PARP15: variants seen among roughly 807,000 people sequenced by gnomAD.
PARP15 encodes the protein poly(ADP-ribose) polymerase family member 15.
Under a neutral mutation model 62.1 loss-of-function variants are expected in PARP15, and 50 were observed. The observed-to-expected ratio is 0.81, with a 90% confidence interval of 0.64 to 1.02. PARP15 has a LOEUF of 1.02. PARP15 is among the 50% of genes least tolerant of loss of function. The pLI, the probability that PARP15 is intolerant of heterozygous loss-of-function variation, is 0.00. For missense variants in PARP15, 820 were observed against 826.5 expected (o/e 0.99, Z 0.10); for synonymous variants, 309 against 293.1 (o/e 1.05, Z -0.55).
chr3:122,601,347 A>G (rs1352899824), intron 1 of PARP15, among the ~76,000 whole-genome samples: 4 of 152,118 alleles, frequency 2.6e-5, no homozygotes, highest in Non-Finnish European at 4.4e-5. Flanking sequence ...GCATAATGTC[A>G]TGTGTCCACC....
At chr3:122,586,567 T>C (rs1933447342) in intron 1 of PARP15, among the ~76,000 whole-genome samples, 1 of 152,226 alleles carries the variant, frequency 6.6e-6, no homozygotes, top group African/African-American at 2.4e-5. Flanking sequence ...TTGTGGTTCT[T>C]ATATTATCCA....
At chr3:122,608,612 G>T (rs1266588550) in intron 2 of PARP15, among the ~76,000 whole-genome samples, 1 of 152,042 alleles carries the variant, frequency 6.6e-6, no homozygotes, top group African/African-American at 2.4e-5. Context: ...AGGCCTATCT[G>T]AAATCTGAAA....
chr3:122,617,278 T>C lies in PARP15; in HGVS notation c.1000+114T>C, dbSNP rs57265705. On this transcript the variant is annotated intron_variant, in intron 6 of 11. Transcript: ENST00000464300. Reference sequence around the variant, plus strand: ...AGAGTGTTGTAGAAAATATGTGGTCTCTGAACTCAGGAAGACGTGGGTTGA... The same window carrying C: ...AGAGTGTTGTAGAAAATATGTGGTCCCTGAACTCAGGAAGACGTGGGTTGA... 21,557 of 1,149,906 alleles carry C rather than the reference T, an allele frequency of 0.019. 2,046 individuals carry two copies. In the African/African-American group the frequency reaches 0.24, roughly 13 times the overall value. 71.2% of individuals were successfully genotyped at this position (1,149,906 alleles called of 1,614,324 possible).
At chr3:122,614,746 T>C (rs1935823911) in intron 4 of PARP15, among the ~76,000 whole-genome samples, 1 of 152,062 alleles carries the variant, frequency 6.6e-6, no homozygotes, top group African/African-American at 2.4e-5. Flanking sequence ...ATTAGAAACA[T>C]GGACTGGTGC....
chr3:122,632,027 T>C lies in PARP15; in HGVS notation c.1439-59T>C, dbSNP rs1937084698. 2.5e-6 allele frequency: 4 copies of C among 1,608,520 alleles called. No homozygotes were observed. In the Admixed American group the frequency reaches 5.0e-5, roughly 20 times the overall value. ...AGAGACAAGTGCAGAGGAGGTGCCC[T>C]GATTTTCAGAGGTCTTTGGAAATGA... On this transcript the variant is annotated intron_variant, in intron 9 of 11. Coordinates refer to ENST00000464300, the MANE Select transcript of PARP15 (RefSeq NM_001113523.3).
chr3:122,590,708 G>A (rs1017473652), intron 1 of PARP15, among the ~76,000 whole-genome samples: 2 of 152,100 alleles, frequency 1.3e-5, no homozygotes, highest in Admixed American at 6.6e-5. Flanking sequence ...TCTTTATTAT[G>A]CTAAGGGAAA....
rs542705522 is a variant in PARP15, at chr3:122,591,533, C to A, written c.186+13680C>A. Among the ~76,000 whole-genome samples, 3 of 152,088 alleles carry A rather than the reference C, an allele frequency of 2.0e-5. No homozygotes were observed. The East Asian group carries it at 5.8e-4, about 29-fold the overall frequency. ...ATCCCAGCACTTTGGGAGGCCGAGG[C>A]GGGCAGATCACGAGGTGAGGAAATC... On this transcript the variant is annotated intron_variant, in intron 1 of 11. Transcript: ENST00000464300.
chr3:122,612,899 T>A, intron 3 of PARP15, 142 bp from the exon 4 acceptor site: 1 of 691,886 alleles, frequency 1.4e-6, no homozygotes, highest in Admixed American at 2.6e-5. Context: ...GCCCTGTTTT[T>A]GTTTCCTCTT....
chr3:122,580,001 A>ATATATATGTG (rs1553725419), intron 1 of PARP15, among the ~76,000 whole-genome samples: 1 of 62,178 alleles, frequency 1.6e-5, no homozygotes, highest in African/African-American at 4.9e-5. Context: ...AACTATATGT[A>ATATATATGTG]TATATATATA....
intron 1 of PARP15, among the ~76,000 whole-genome samples, chr3:122,602,261 A>G (rs145498230): frequency 0.016 from 2,412 of 152,266 alleles, 67 homozygotes; most frequent in African/African-American, 0.053. Context: ...TGCCTCTCCC[A>G]GAGGTGCCTG....
chr3:122,621,733 G>A (rs1936363024), intron 8 of PARP15, 122 bp downstream of exon 8: 1 of 915,370 alleles, frequency 1.1e-6, no homozygotes, highest in Non-Finnish European at 1.5e-6. Context: ...GTAAATCAGA[G>A]AGGGAGCCAT....
At chr3:122,620,039 A>T (rs1407914554) in intron 7 of PARP15, among the ~76,000 whole-genome samples, 196 bp downstream of exon 7, 1 of 152,160 alleles carries the variant, frequency 6.6e-6, no homozygotes, top group African/African-American at 2.4e-5. Flanking sequence ...CCACCATCTC[A>T]TCTGTCTCTT....
At chr3:122,585,324 G>T (rs944418459) in intron 1 of PARP15, among the ~76,000 whole-genome samples, 1 of 152,204 alleles carries the variant, frequency 6.6e-6, no homozygotes, top group African/African-American at 2.4e-5. Flanking sequence ...TCTGGCCTGG[G>T]TGACAGAGGG....
At chr3:122,635,219 A>C (rs769185996) in intron 11 of PARP15, 25 bp downstream of exon 11, 2 of 1,610,024 alleles carry the variant, frequency 1.2e-6, no homozygotes, top group South Asian at 2.2e-5. Context: ...AATTTGGCTG[A>C]TCAGAATAAG....
chr3:122,619,706 A>G, intron 6 of PARP15, 75 bp from the exon 7 acceptor site: 1 of 1,251,072 alleles, frequency 8.0e-7, no homozygotes, highest in Non-Finnish European at 1.2e-6. Flanking sequence ...GTTGAGCAGA[A>G]GTCTAATGTA....
In PARP15 at chr3:122,637,640, A is replaced by T. The variant is rs561571072; in HGVS notation, c.*1540A>T. 6 of 152,268 alleles carry T rather than the reference A, an allele frequency of 3.9e-5. No individual in the cohort carries two copies. In the East Asian group the frequency reaches 7.7e-4, roughly 20 times the overall value. 9.4% of individuals were successfully genotyped at this position (152,268 alleles called of 1,614,324 possible). A position where few individuals can be genotyped will look rare whatever the true frequency, so the allele number is the denominator to read the frequency against. ...GAACAGAAAAGTATAAAGAAAAATA[A>T]CTCACCAAACTCACTCATAATTCCA... is the stretch of plus-strand genomic sequence containing the variant. On this transcript the variant is annotated 3_prime_UTR_variant, in exon 12 of 12. Transcript: ENST00000464300.
intron 8 of PARP15, 107 bp from the exon 9 acceptor site, chr3:122,626,720 G>C: frequency 2.1e-6 from 2 of 956,884 alleles, no homozygotes; most frequent in Non-Finnish European, 3.1e-6. Flanking sequence ...TCAATTCCTG[G>C]CTGTGAGGGG....
At chr3:122,593,874 G>A (rs1934140692) in intron 1 of PARP15, among the ~76,000 whole-genome samples, 2 of 152,118 alleles carry the variant, frequency 1.3e-5, no homozygotes, top group Admixed American at 6.6e-5. Flanking sequence ...CTAACACTCA[G>A]TAAGAGAGAA....
chr3:122,602,244 T>A (rs1387379859), intron 1 of PARP15, among the ~76,000 whole-genome samples: 1 of 152,136 alleles, frequency 6.6e-6, no homozygotes, highest in Non-Finnish European at 1.5e-5. Context: ...TTTGGGAGAC[T>A]GAAGGGTGCC....
Sources: allele counts gnomAD v4.1 joint callset (sites outside exome capture counted in the v4.1 genomes callset), GRCh38; gene constraint gnomAD v4.1.1; transcripts MANE v1.5; gene names NCBI Gene and HGNC (gene_info 2026-07-23, HGNC 2026-07-21).